Variants in SPMIP5 observed in about 807,000 individuals in gnomAD.
The protein encoded by SPMIP5 is sperm microtubule inner protein 5.
the SPMIP5 span, chr10:116,665,859 C>A: frequency 6.4e-7 from 1 of 1,563,270 alleles, no homozygotes. Context: ...CAGCCTTCAG[C>A]AAGACTGGCC....
At chr10:116,665,797 T>C in the SPMIP5 span, 1 of 1,612,848 alleles carries the variant, frequency 6.2e-7, no homozygotes, top group East Asian at 2.2e-5. Flanking sequence ...TCCTTGGACA[T>C]TCCTTGGCAG....
the SPMIP5 span, chr10:116,665,740 G>C: frequency 1.2e-6 from 2 of 1,613,978 alleles, no homozygotes; most frequent in Admixed American, 3.3e-5. Context: ...TCTTTATAGC[G>C]CTGTGTTTTC....
At chr10:116,663,447 C>T in the SPMIP5 span, among the ~76,000 whole-genome samples, 4 of 152,152 alleles carry the variant, frequency 2.6e-5, no homozygotes, top group African/African-American at 9.7e-5. Flanking sequence ...AGCCCTATCA[C>T]ACCAATATAG....
chr10:116,665,482 T>G, the SPMIP5 span: 1 of 687,752 alleles, frequency 1.5e-6, no homozygotes, highest in Non-Finnish European at 2.4e-6. Flanking sequence ...AGCCTTTGCA[T>G]TTGGTGCTGA....
the SPMIP5 span, chr10:116,668,111 G>A: frequency 1.3e-6 from 1 of 760,696 alleles, no homozygotes; most frequent in Non-Finnish European, 2.2e-6. Flanking sequence ...TTCAGCGATG[G>A]AATGCTCTCA....
At chr10:116,664,211 T>C in the SPMIP5 span, 1 of 1,613,900 alleles carries the variant, frequency 6.2e-7, no homozygotes, top group Non-Finnish European at 8.5e-7. Flanking sequence ...GCAGCAGCTC[T>C]TCATGCTGCA....
chr10:116,667,117 T>C, the SPMIP5 span, among the ~76,000 whole-genome samples: 1 of 152,146 alleles, frequency 6.6e-6, no homozygotes, highest in Admixed American at 6.6e-5. Flanking sequence ...TGATGACTGA[T>C]GTCCTTATAG....
the SPMIP5 span, among the ~76,000 whole-genome samples, chr10:116,668,629 T>G: frequency 6.6e-6 from 1 of 151,948 alleles, no homozygotes; most frequent in African/African-American, 2.4e-5. Flanking sequence ...TGAACTGTAC[T>G]CATACTATGG....
chr10:116,663,126 A>G, the SPMIP5 span, among the ~76,000 whole-genome samples: 2 of 151,070 alleles, frequency 1.3e-5, no homozygotes, highest in East Asian at 2.0e-4. Flanking sequence ...AGCTTGCAGT[A>G]AGCCAAGATC....
the SPMIP5 span, chr10:116,665,565 G>A: frequency 2.5e-6 from 4 of 1,568,760 alleles, no homozygotes; most frequent in Admixed American, 3.4e-5. Flanking sequence ...GAATCTGCAG[G>A]GGTGACCAGG....
chr10:116,668,301 G>T, the SPMIP5 span: 2 of 1,613,530 alleles, frequency 1.2e-6, no homozygotes, highest in Non-Finnish European at 1.7e-6. Context: ...TGAAGGTCTT[G>T]GAAGGCTCCA....
chr10:116,664,971 G>A, the SPMIP5 span: 3 of 1,590,460 alleles, frequency 1.9e-6, no homozygotes, highest in East Asian at 6.7e-5. Flanking sequence ...CCATGGCACA[G>A]AGAAAGCAAC....
the SPMIP5 span, among the ~76,000 whole-genome samples, chr10:116,666,514 G>A: frequency 6.6e-6 from 1 of 150,826 alleles, no homozygotes; most frequent in Admixed American, 6.6e-5. Flanking sequence ...GTTTCAAACT[G>A]CAAAATAAAT....
chr10:116,666,190 G>T, the SPMIP5 span, among the ~76,000 whole-genome samples: 1 of 152,222 alleles, frequency 6.6e-6, no homozygotes, highest in Non-Finnish European at 1.5e-5. Flanking sequence ...TCTTTTTAAA[G>T]AGAAAGCTTA....
chr10:116,669,448 T>C, the SPMIP5 span, among the ~76,000 whole-genome samples: 1 of 152,194 alleles, frequency 6.6e-6, no homozygotes, highest in Non-Finnish European at 1.5e-5. Flanking sequence ...GTCCCACCCA[T>C]ACTGACCACC....
At chr10:116,667,084 G>A in the SPMIP5 span, among the ~76,000 whole-genome samples, 3 of 152,274 alleles carry the variant, frequency 2.0e-5, no homozygotes, top group African/African-American at 2.4e-5. Context: ...AGATCATCCC[G>A]GATTTAGGGT....
chr10:116,665,214 T>C, the SPMIP5 span: 469 of 787,764 alleles, frequency 6.0e-4, 11 homozygotes, highest in South Asian at 0.014. Flanking sequence ...CTCGGCAACA[T>C]GGTGAAACCC....
the SPMIP5 span, among the ~76,000 whole-genome samples, chr10:116,668,932 T>C: frequency 1.9e-3 from 42 of 22,298 alleles, no homozygotes; most frequent in African/African-American, 6.6e-3. Flanking sequence ...GGCACACACA[T>C]GCACACACAC....
the SPMIP5 span, chr10:116,665,569 G>A: frequency 1.9e-6 from 3 of 1,579,196 alleles, no homozygotes; most frequent in Non-Finnish European, 2.6e-6. Flanking sequence ...CTGCAGGGGT[G>A]ACCAGGGGTG....
Sources: gnomAD v4.1 joint callset for allele counts (sites outside exome capture counted in the v4.1 genomes callset) on GRCh38, gnomAD v4.1.1 for gene constraint, MANE v1.5 for transcripts, NCBI Gene and HGNC (gene_info 2026-07-23, HGNC 2026-07-21) for gene names.